Variants in CACNA2D2 observed in about 807,000 individuals in gnomAD.
CACNA2D2 encodes calcium voltage-gated channel auxiliary subunit alpha2delta 2, also known as voltage-dependent calcium channel subunit alpha-2/delta-2.
CACNA2D2 carries 48 observed loss-of-function variants against 166.4 expected under a neutral mutation model. The ratio of observed to expected loss-of-function variants is 0.29; its 90% CI spans 0.23 to 0.37. The LOEUF (loss-of-function observed/expected upper bound fraction) is 0.37. Ranked by LOEUF, CACNA2D2 falls within the 10% of genes least tolerant of loss-of-function variation. CACNA2D2 has a pLI of 1.00. For missense variants in CACNA2D2, 1,122 were observed against 1,433.0 expected (o/e 0.78, Z 3.50); for synonymous variants, 561 against 573.7 (o/e 0.98, Z 0.32).
intron 3 of CACNA2D2, among the ~76,000 whole-genome samples, chr3:50,410,620 T>A (rs1268412751): frequency 1.3e-5 from 2 of 152,212 alleles, no homozygotes; most frequent in African/African-American, 4.8e-5. Flanking sequence ...TGGGTTGAGC[T>A]CTTTTCAGCA....
intron 3 of CACNA2D2, among the ~76,000 whole-genome samples, chr3:50,399,512 T>A (rs555752627): frequency 6.6e-6 from 1 of 152,158 alleles, no homozygotes; most frequent in South Asian, 2.1e-4. Flanking sequence ...GCCCTGAGAA[T>A]GTTGCCGAGG....
rs1705213599 is a variant in CACNA2D2, at chr3:50,379,891, C to T, written c.894-67G>A. On this transcript the variant is annotated intron_variant, in intron 9 of 37. Coordinates refer to ENST00000424201, the MANE Select transcript of CACNA2D2 (RefSeq NM_006030.4). The surrounding 1 kb of genome is among the most constrained non-coding windows in gnomAD (Gnocchi z 6.5). Reference sequence around the variant, plus strand: ...CTCACGTGTTCTCCTGCCCATCCCCCAAGATGTTCAGGGCAGCAGAGTCTA... The same window carrying T: ...CTCACGTGTTCTCCTGCCCATCCCCTAAGATGTTCAGGGCAGCAGAGTCTA... 1 of 1,610,986 alleles carries T rather than the reference C, an allele frequency of 6.2e-7. No homozygotes were observed. The highest frequency in any genetic ancestry group is 1.7e-5 in the Admixed American group (1 of 60,006).
In CACNA2D2 at chr3:50,468,416, T is replaced by A. The variant is rs1709919096; in HGVS notation, c.288+7702A>T. The stretch of plus-strand genomic sequence containing the variant: ...GTGTGTGTGTGTGTGTGTGTGTGTG[T>A]GTGTGTGTGTGTGTGTGTGTGTGTG... On this transcript the variant is annotated intron_variant, in intron 2 of 37. Transcript: ENST00000424201. 2.0e-5 allele frequency among the ~76,000 whole-genome samples: 3 copies of A among 150,238 alleles called. No individual in the cohort carries two copies. In the East Asian group the frequency reaches 5.9e-4, roughly 30 times the overall value.
intron 2 of CACNA2D2, among the ~76,000 whole-genome samples, chr3:50,459,824 G>A (rs2036758026): frequency 6.6e-6 from 1 of 152,178 alleles, no homozygotes; most frequent in Non-Finnish European, 1.5e-5. Flanking sequence ...CTGGGGAGGG[G>A]TCAGCAGACA....
rs1699059907 is a variant in CACNA2D2 at position 50,503,255 on chromosome 3, G to C, written c.169C>G (p.Pro57Ala). The change falls in exon 1 of 38, where the codon CCC becomes GCC. Residue 57 changes from proline (P) to alanine (A), a missense_variant. This residue lies in a region of CACNA2D2 where 840 missense variants were observed against 1,166.8 expected (regional missense o/e 0.72). Coordinates refer to ENST00000424201, the MANE Select transcript of CACNA2D2 (RefSeq NM_006030.4). ...GGGAAGCTGTAGGCAGAGGCGCCGG[G>C]GGCGGCGAGCAGCGGTAGAAGCGGC... The part of the protein sequence containing the change: ...LLPLLPLLAA[P>A]GASAYSFPQQ... The C allele has an allele frequency of 1.0e-5, 12 of 1,193,896 alleles. No individual in the cohort carries two copies. The highest frequency in any genetic ancestry group is 1.6e-5 in the African/African-American group (1 of 62,870). 74.0% of individuals were successfully genotyped at this position (1,193,896 alleles called of 1,614,324 possible). A position where few individuals can be genotyped will look rare whatever the true frequency, so the allele number is the denominator to read the frequency against.
intron 1 of CACNA2D2, among the ~76,000 whole-genome samples, chr3:50,489,139 T>TGA (rs1283660931): frequency 6.6e-6 from 1 of 152,168 alleles, no homozygotes; most frequent in Non-Finnish European, 1.5e-5. Flanking sequence ...ATAGGAAATG[T>TGA]GATCCCATCA....
chr3:50,416,006 T>C (rs1229929231), intron 3 of CACNA2D2: 2 of 152,306 alleles, frequency 1.3e-5, no homozygotes, highest in African/African-American at 4.8e-5. Flanking sequence ...TCTTCCTGCT[T>C]AGCTTCTGCC....
At chr3:50,377,441 A>G in intron 17 of CACNA2D2, 26 bp downstream of exon 17, 1 of 1,594,318 alleles carries the variant, frequency 6.3e-7, no homozygotes, top group Non-Finnish European at 8.6e-7. Context: ...GAGGCAGGGT[A>G]CGCGGATGGG....
chr3:50,490,037 G>A (rs1195393497), intron 1 of CACNA2D2, among the ~76,000 whole-genome samples: 2 of 152,334 alleles, frequency 1.3e-5, no homozygotes, highest in Non-Finnish European at 2.9e-5. Flanking sequence ...TTCAGGTGGG[G>A]AAGGGATGGT....
intron 2 of CACNA2D2, among the ~76,000 whole-genome samples, chr3:50,448,238 CT>C (rs897834904): frequency 6.6e-6 from 1 of 152,170 alleles, no homozygotes; most frequent in African/African-American, 2.4e-5. Context: ...GCAAAGGAGG[CT>C]GGGAAACCCT....
intron 2 of CACNA2D2, among the ~76,000 whole-genome samples, chr3:50,464,672 G>C (rs139302784): frequency 2.0e-5 from 3 of 152,324 alleles, no homozygotes; most frequent in African/African-American, 7.2e-5. Context: ...TCAGGGCCTA[G>C]TCTGCTTTGC....
intron 1 of CACNA2D2, among the ~76,000 whole-genome samples, chr3:50,501,267 G>A (rs35509350): frequency 8.9e-4 from 136 of 152,244 alleles, no homozygotes; most frequent in Middle Eastern, 3.4e-3. Context: ...GGATCAATGT[G>A]CATCCTCGTC....
rs767988859 is a variant in CACNA2D2, at chr3:50,365,412, G to A, written c.3042C>T (p.Tyr1014=). ...SSCVMKQTQY[Y]FGSVNASYNA... ...TGTAGGAGGCGTTTACCGAGCCGAA[G>A]TAGTACTGGGTCTGTTTCATGACGC... is the stretch of plus-strand genomic sequence containing the variant. Residue 1014 remains tyrosine (Y), a synonymous_variant, in exon 35 of 38, where the codon TAC becomes TAT. Coordinates refer to ENST00000424201, the MANE Select transcript of CACNA2D2 (RefSeq NM_006030.4). The surrounding 1 kb of genome is among the most constrained non-coding windows in gnomAD (Gnocchi z 4.5). The A allele has an allele frequency of 5.6e-6, 9 of 1,613,678 alleles. No homozygotes were observed. Among genetic ancestry groups the A allele is most frequent in the South Asian group, 2.2e-5 (2 of 91,082 alleles).
At position 50,366,360 on chromosome 3, in the gene CACNA2D2, G is replaced by A; in HGVS notation, c.2638-22C>T. ...AGTCCTAGGAGGAAGGGAATGGGGA[G>A]GAAAATGGAGAGGGGCTGGGCCCCG... On this transcript the variant is annotated intron_variant, in intron 30 of 37. Transcript: ENST00000424201. This position sits in a 1 kb window ranked among gnomAD's most constrained non-coding sequence, Gnocchi z 5.9. 1 of 1,612,386 alleles carries A rather than the reference G, an allele frequency of 6.2e-7. No individual in the cohort carries two copies. The highest frequency in any genetic ancestry group is 1.1e-5 in the South Asian group (1 of 91,052).
chr3:50,366,897 T>C lies in CACNA2D2; in HGVS notation c.2523A>G (p.Leu841=). 6.2e-7 allele frequency: 1 copy of C among 1,613,648 alleles called. No homozygotes were observed. Among genetic ancestry groups the C allele is most frequent in the Admixed American group, 1.7e-5 (1 of 60,024 alleles). Residue 841 remains leucine, a synonymous_variant, in exon 29 of 38, where the codon CTA becomes CTG. Coordinates refer to ENST00000424201, the MANE Select transcript of CACNA2D2 (RefSeq NM_006030.4). This position sits in a 1 kb window ranked among gnomAD's most constrained non-coding sequence, Gnocchi z 5.9. The part of the protein sequence containing the change: ...RPAVVGVKLD[L]EAWAEKFKVL... ...CCTTGAACTTCTCAGCCCAAGCCTC[T>C]AGGTCCAGCTTGACGCCCACCACTT...
chr3:50,501,097 G>A (rs1219863638), intron 1 of CACNA2D2, among the ~76,000 whole-genome samples: 1 of 152,064 alleles, frequency 6.6e-6, no homozygotes, highest in African/African-American at 2.4e-5. Flanking sequence ...ATCCCAGCCT[G>A]GCCACACTGA....
At chr3:50,408,083 A>G (rs764339676) in intron 3 of CACNA2D2, among the ~76,000 whole-genome samples, 42 of 152,170 alleles carry the variant, frequency 2.8e-4, no homozygotes, top group Non-Finnish European at 4.9e-4. Flanking sequence ...AAGAAGCCCA[A>G]TCATTATTCC....
chr3:50,378,253 G>A (rs1281073423), intron 14 of CACNA2D2, 31 bp downstream of exon 14: 1 of 1,555,522 alleles, frequency 6.4e-7, no homozygotes, highest in South Asian at 1.2e-5. Flanking sequence ...GGAAGCCAGG[G>A]GCTGGGAGGA....
chr3:50,380,246 G>A lies in CACNA2D2; in HGVS notation c.843-228C>T, dbSNP rs966425138. Among the ~76,000 whole-genome samples the A allele has an allele frequency of 7.9e-5, 12 of 152,360 alleles. No homozygotes were observed. Among genetic ancestry groups the A allele is most frequent in the African/African-American group, 2.6e-4 (11 of 41,584 alleles). ...GGAAAAAGTACCAGGGGGTATATGA[G>A]CAGGTGATCCCCAGAGGGGGCAGGA... On this transcript the variant is annotated intron_variant, in intron 8 of 37. Transcript: ENST00000424201. This position sits in a 1 kb window ranked among gnomAD's most constrained non-coding sequence, Gnocchi z 4.9.
Sources: gnomAD v4.1 joint callset for allele counts (sites outside exome capture counted in the v4.1 genomes callset) on GRCh38, gnomAD v4.1.1 for gene constraint, gnomAD v4.1.1 regional missense constraint, Gnocchi (gnomAD v3.1) non-coding constraint, MANE v1.5 for transcripts, NCBI Gene and HGNC (gene_info 2026-07-23, HGNC 2026-07-21) for gene names.